Variants in HRH1 observed in about 807,000 individuals in gnomAD.
HRH1 encodes the protein histamine receptor H1.
Under a neutral mutation model 10.3 loss-of-function variants are expected in HRH1, and 6 were observed. That is an observed-to-expected ratio of 0.58 (90% CI 0.32 to 1.15). The LOEUF (loss-of-function observed/expected upper bound fraction) is 1.15, where lower values mean the gene tolerates loss of function less well. Among genes scored for constraint, HRH1 ranks in the 50% most tolerant of loss-of-function variants. HRH1 has a pLI of 0.05. For missense variants in HRH1, 514 were observed against 615.3 expected (o/e 0.84, Z 1.74); for synonymous variants, 242 against 236.7 (o/e 1.02, Z -0.21).
chr3:11,213,073 C>T (rs1275906696), intron 1 of HRH1, among the ~76,000 whole-genome samples: 1 of 152,212 alleles, frequency 6.6e-6, no homozygotes, highest in African/African-American at 2.4e-5. Flanking sequence ...AGACCCACTT[C>T]AGCCATCACT....
chr3:11,184,286 G>A (rs997186894), intron 1 of HRH1, among the ~76,000 whole-genome samples: 8 of 152,156 alleles, frequency 5.3e-5, no homozygotes, highest in African/African-American at 1.7e-4. Flanking sequence ...TGAGGCAGAT[G>A]CTATTATTAT....
At chr3:11,174,102 G>A (rs1288318760) in intron 1 of HRH1, among the ~76,000 whole-genome samples, 1 of 152,132 alleles carries the variant, frequency 6.6e-6, no homozygotes, top group Admixed American at 6.5e-5. Context: ...AAAATTAGTG[G>A]GCCATTCCTA....
At chr3:11,141,745 T>C (rs1336250366) in intron 1 of HRH1, among the ~76,000 whole-genome samples, 3 of 152,178 alleles carry the variant, frequency 2.0e-5, no homozygotes, top group Non-Finnish European at 4.4e-5. Context: ...ATTCTATTGG[T>C]CATGGAAATC....
chr3:11,185,038 T>A (rs201825563), intron 1 of HRH1, among the ~76,000 whole-genome samples: 79 of 133,574 alleles, frequency 5.9e-4, no homozygotes, highest in Admixed American at 7.2e-4. Context: ...AGTACTAATT[T>A]AAAAAAAAAA....
Position 11,260,754 on chromosome 3 carries a change from G to A in HRH1, c.*253G>A. On this transcript the variant is annotated 3_prime_UTR_variant, in exon 2 of 2. Coordinates refer to ENST00000431010, the MANE Select transcript of HRH1 (RefSeq NM_001098212.2). Reference sequence around the variant, plus strand: ...AAGTCAGACCTGTTTCTTGTAACTGGGTTCAAAAAGAAAAAAATAATAAAA... The same window carrying A: ...AAGTCAGACCTGTTTCTTGTAACTGAGTTCAAAAAGAAAAAAATAATAAAA... 2.3e-6 allele frequency: 1 copy of A among 442,548 alleles called. No homozygotes were observed. Among genetic ancestry groups the A allele is most frequent in the East Asian group, 3.4e-5 (1 of 29,078 alleles). 27.4% of individuals were successfully genotyped at this position (442,548 alleles called of 1,614,324 possible). A position where few individuals can be genotyped will look rare whatever the true frequency, so the allele number is the denominator to read the frequency against.
chr3:11,260,151 G>C lies in HRH1; in HGVS notation c.1114G>C (p.Gly372Arg), dbSNP rs570917030. Reference sequence around the variant, plus strand: ...AGATACCACCACAGAGACAGCACCAGGCAAAGGCAAATTGAGGAGTGGGTC... The same window carrying C: ...AGATACCACCACAGAGACAGCACCACGCAAAGGCAAATTGAGGAGTGGGTC... ...DSDTTTETAP[G>R]KGKLRSGSNT... Residue 372 changes from glycine to arginine, a missense_variant, in exon 2 of 2, where the codon GGC (glycine) becomes CGC (arginine). Coordinates refer to ENST00000431010, the MANE Select transcript of HRH1 (RefSeq NM_001098212.2). 3 of 1,613,936 alleles carry C rather than the reference G, an allele frequency of 1.9e-6. No homozygotes were observed. Among genetic ancestry groups the C allele is most frequent in the Non-Finnish European group, 1.7e-6 (2 of 1,180,034 alleles).
In HRH1 at chr3:11,259,901, C is replaced by T. The variant is rs753825759; in HGVS notation, c.864C>T (p.Val288=). Residue 288 remains valine, a synonymous_variant, in exon 2 of 2, where the codon GTC becomes GTT. Coordinates refer to ENST00000431010, the MANE Select transcript of HRH1 (RefSeq NM_001098212.2). The surrounding 1 kb of genome is among the most constrained non-coding windows in gnomAD (Gnocchi z 4.6). ...CCAAGGAGATGAAATCCCCAGTTGT[C>T]TTCAGCCAAGAGGATGATAGAGAAG... The part of the protein sequence containing the change: ...QTPKEMKSPV[V]FSQEDDREVD... 14 of 1,614,046 alleles carry T rather than the reference C, an allele frequency of 8.7e-6. No individual in the cohort carries two copies. Among genetic ancestry groups the T allele is most frequent in the Non-Finnish European group, 1.2e-5 (14 of 1,180,038 alleles).
chr3:11,159,502 C>T (rs1936884315), intron 1 of HRH1, among the ~76,000 whole-genome samples: 1 of 152,142 alleles, frequency 6.6e-6, no homozygotes, highest in African/African-American at 2.4e-5. Flanking sequence ...TTTTTCAACC[C>T]GTTAACATGA....
intron 1 of HRH1, among the ~76,000 whole-genome samples, chr3:11,198,034 C>A (rs1160587973): frequency 6.6e-6 from 1 of 152,110 alleles, no homozygotes. Flanking sequence ...GCCTCAGTTG[C>A]CTGGTTCTCC....
At chr3:11,197,090 A>G (rs1937688265) in intron 1 of HRH1, among the ~76,000 whole-genome samples, 1 of 146,138 alleles carries the variant, frequency 6.8e-6, no homozygotes, top group South Asian at 2.2e-4. Context: ...GCGCCACTGC[A>G]CTCTAGCCTG....
At chr3:11,246,716 A>T (rs1274284148) in intron 1 of HRH1, among the ~76,000 whole-genome samples, 4 of 152,174 alleles carry the variant, frequency 2.6e-5, no homozygotes, top group Non-Finnish European at 5.9e-5. Flanking sequence ...TTCTTTCTTT[A>T]AACAAAAAGG....
At chr3:11,210,246 T>C (rs932000293) in intron 1 of HRH1, among the ~76,000 whole-genome samples, 1 of 151,856 alleles carries the variant, frequency 6.6e-6, no homozygotes, top group African/African-American at 2.4e-5. Flanking sequence ...ATACAAAAAT[T>C]AGCTGGGCAT....
intron 1 of HRH1, among the ~76,000 whole-genome samples, chr3:11,211,015 C>G (rs924604613): frequency 6.6e-6 from 1 of 152,164 alleles, no homozygotes; most frequent in African/African-American, 2.4e-5. Context: ...TTGAACATGA[C>G]AACGTCATAG....
chr3:11,183,855 CTTTTTTT>C (rs60566877), intron 1 of HRH1, among the ~76,000 whole-genome samples: 5 of 91,960 alleles, frequency 5.4e-5, no homozygotes, highest in Non-Finnish European at 8.0e-5. Context: ...GGAAAGCTTG[CTTTTTTT>C]TTTTTTTTTT....
At chr3:11,147,466 C>T (rs1403032362) in intron 1 of HRH1, among the ~76,000 whole-genome samples, 6 of 152,128 alleles carry the variant, frequency 3.9e-5, no homozygotes, top group Non-Finnish European at 8.8e-5. Flanking sequence ...TAAGCACCCA[C>T]AATATGCCAT....
intron 1 of HRH1, among the ~76,000 whole-genome samples, chr3:11,202,828 G>C (rs1937980738): frequency 6.6e-6 from 1 of 152,144 alleles, no homozygotes; most frequent in South Asian, 2.1e-4. Context: ...TGTGGGTTTG[G>C]ACAAATGGAT....
Position 11,210,232 on chromosome 3 carries a change from A to G in HRH1, c.-35-48771A>G, listed in dbSNP as rs150588014. Among the ~76,000 whole-genome samples, 560 of 152,182 alleles carry G rather than the reference A, an allele frequency of 3.7e-3. 3 individuals carry two copies. Among genetic ancestry groups the G allele is most frequent in the Admixed American group, 0.012 (183 of 15,286 alleles). ...ATGGTGAAACCCTGTCTCTACCAAA[A>G]AAGATACAAAAATTAGCTGGGCATG... On this transcript the variant is annotated intron_variant, in intron 1 of 1. Coordinates refer to ENST00000431010, the MANE Select transcript of HRH1 (RefSeq NM_001098212.2).
At chr3:11,156,336 C>G (rs1936794176) in intron 1 of HRH1, among the ~76,000 whole-genome samples, 1 of 152,076 alleles carries the variant, frequency 6.6e-6, no homozygotes, top group South Asian at 2.1e-4. Flanking sequence ...GCCAAGAGAC[C>G]CTGCACCCCA....
intron 1 of HRH1, among the ~76,000 whole-genome samples, chr3:11,177,225 G>A (rs1937265702): frequency 6.8e-6 from 1 of 147,828 alleles, no homozygotes; most frequent in South Asian, 2.1e-4. Flanking sequence ...GGACGACAGA[G>A]TGAGACCCTA....
Sources: gnomAD v4.1 joint callset for allele counts (sites outside exome capture counted in the v4.1 genomes callset) on GRCh38, gnomAD v4.1.1 for gene constraint, Gnocchi (gnomAD v3.1) non-coding constraint, MANE v1.5 for transcripts, NCBI Gene and HGNC (gene_info 2026-07-23, HGNC 2026-07-21) for gene names.